The following POU6F2 variants were observed in gnomAD, a reference collection of about 807,000 sequenced individuals.
POU6F2 encodes POU domain, class 6, transcription factor 2.
A neutral mutation model predicts 71.3 loss-of-function variants in POU6F2; 31 were observed. The observed-to-expected ratio is 0.43, with a 90% CI of 0.33 to 0.59. POU6F2 has a LOEUF of 0.59. Among genes scored for constraint, POU6F2 ranks in the 20% least tolerant of loss-of-function variants. POU6F2 has a pLI of 0.04. For synonymous variants in POU6F2, 347 were observed against 355.7 expected, an observed-to-expected ratio of 0.98 and a Z score of 0.27; for missense variants, 783 against 856.8, an observed-to-expected ratio of 0.91 and a Z score of 1.07.
intron 4 of POU6F2, among the ~76,000 whole-genome samples, chr7:39,221,303 C>T (rs1430322413): frequency 6.6e-6 from 1 of 151,548 alleles, no homozygotes; most frequent in Non-Finnish European, 1.5e-5. Flanking sequence ...TTTGTAGGCT[C>T]TCTGCCATAG....
Position 39,464,480 on chromosome 7 carries a change from GC to G in POU6F2, c.1960del (p.His654ThrfsTer13). On this transcript the variant is annotated frameshift_variant, in exon 10 of 10. Transcript: ENST00000518318. LOFTEE classifies it high-confidence loss of function. This position sits in a 1 kb window ranked among gnomAD's most constrained non-coding sequence, Gnocchi z 4.1. ...ACCCCAGGCCCTTGAGATCCTCAAT[GC>G]CCACTTTGAGAAGAACACACACCCT... ...FTPQALEILN[A>X]HFEKNTHPSG... 6.2e-7 allele frequency: 1 copy of G among 1,613,870 alleles called. No homozygotes were observed. The highest frequency in any genetic ancestry group is 8.5e-7 in the Non-Finnish European group (1 of 1,179,832).
At chr7:39,045,524 T>G (rs1324669218) in intron 1 of POU6F2, among the ~76,000 whole-genome samples, 2 of 151,872 alleles carry the variant, frequency 1.3e-5, no homozygotes, top group African/African-American at 4.8e-5. Context: ...ATTCTCACAT[T>G]GGGATGAGGC....
At position 39,406,599 on chromosome 7, in the gene POU6F2, G is replaced by A. The variant is rs766591913; in HGVS notation, c.973-1G>A. The A allele has an allele frequency of 2.5e-6, 4 of 1,612,806 alleles. No individual in the cohort carries two copies. In the South Asian group the frequency reaches 4.4e-5, roughly 18 times the overall value. On this transcript the variant is annotated splice_acceptor_variant, in intron 5 of 9. Transcript: ENST00000518318. LOFTEE classifies it high-confidence loss of function. Reference sequence around the variant, plus strand: ...CACGGTGATCTTTTCTCTCTTTGCAGCTGGTTAATAATCCACTAGCAAGTC... The same window carrying A: ...CACGGTGATCTTTTCTCTCTTTGCAACTGGTTAATAATCCACTAGCAAGTC...
intron 1 of POU6F2, among the ~76,000 whole-genome samples, chr7:39,027,825 A>G (rs372463496): frequency 3.9e-5 from 6 of 152,282 alleles, no homozygotes; most frequent in African/African-American, 1.4e-4. Context: ...ATTGCTTTGT[A>G]CATTCTGGAT....
At chr7:39,374,143 C>T (rs1261511537) in intron 5 of POU6F2, among the ~76,000 whole-genome samples, 7 of 152,126 alleles carry the variant, frequency 4.6e-5, no homozygotes, top group South Asian at 4.1e-4. Flanking sequence ...TTCAACTTTA[C>T]GTCACTGAGA....
chr7:39,095,730 A>G (rs1791442509), intron 2 of POU6F2, among the ~76,000 whole-genome samples: 1 of 152,192 alleles, frequency 6.6e-6, no homozygotes, highest in Non-Finnish European at 1.5e-5. Context: ...GACCAGGAAC[A>G]TCATTAAACT....
chr7:39,051,485 G>C (rs1790399160), intron 1 of POU6F2, among the ~76,000 whole-genome samples: 1 of 152,032 alleles, frequency 6.6e-6, no homozygotes, highest in African/African-American at 2.4e-5. Context: ...GAAAACATCA[G>C]GACACTTGAG....
At chr7:39,239,375 A>G (rs1468680086) in intron 4 of POU6F2, among the ~76,000 whole-genome samples, 2 of 152,144 alleles carry the variant, frequency 1.3e-5, no homozygotes, top group East Asian at 3.9e-4. Flanking sequence ...TAACTGATTT[A>G]GCAGCACGAC....
At chr7:39,133,988 C>T (rs978132392) in intron 2 of POU6F2, among the ~76,000 whole-genome samples, 7 of 152,252 alleles carry the variant, frequency 4.6e-5, no homozygotes, top group African/African-American at 1.7e-4. Flanking sequence ...GATCCTCCCA[C>T]CTCAGCCTCC....
chr7:39,078,733 C>T (rs1264834139), intron 1 of POU6F2, among the ~76,000 whole-genome samples: 7 of 152,184 alleles, frequency 4.6e-5, no homozygotes, highest in Non-Finnish European at 1.0e-4. Flanking sequence ...AAAATCCAGG[C>T]TGCCCCAGAG....
At chr7:39,200,213 G>A (rs1172682735) in intron 2 of POU6F2, among the ~76,000 whole-genome samples, 1 of 152,142 alleles carries the variant, frequency 6.6e-6, no homozygotes, top group Non-Finnish European at 1.5e-5. Context: ...CCTTGCCTGG[G>A]TAACGTCTAA....
At chr7:39,030,370 G>A (rs1789908848) in intron 1 of POU6F2, among the ~76,000 whole-genome samples, 1 of 150,250 alleles carries the variant, frequency 6.7e-6, no homozygotes, top group African/African-American at 2.4e-5. Context: ...TTCCATTTCA[G>A]TTTTTAATAT....
intron 1 of POU6F2, among the ~76,000 whole-genome samples, chr7:39,083,350 C>A (rs1791166250): frequency 6.6e-6 from 1 of 152,146 alleles, no homozygotes; most frequent in Non-Finnish European, 1.5e-5. Context: ...ATAGGTCACA[C>A]CCCTTCCTCT....
chr7:39,177,019 G>T (rs1008536084), intron 2 of POU6F2, among the ~76,000 whole-genome samples: 1 of 152,166 alleles, frequency 6.6e-6, no homozygotes, highest in African/African-American at 2.4e-5. Flanking sequence ...TTCCTTCTAT[G>T]CTATGGCTCA....
intron 4 of POU6F2, among the ~76,000 whole-genome samples, chr7:39,274,709 A>G (rs1317496825): frequency 1.9e-5 from 2 of 102,886 alleles, no homozygotes; most frequent in Non-Finnish European, 3.9e-5. Context: ...ACCATGATCA[A>G]GTGGGCTTCA....
At chr7:39,052,895 G>A (rs570868216) in intron 1 of POU6F2, among the ~76,000 whole-genome samples, 2 of 152,190 alleles carry the variant, frequency 1.3e-5, no homozygotes, top group South Asian at 4.1e-4. Flanking sequence ...TTCAAATCAT[G>A]ATTCTACTTC....
In POU6F2 at chr7:39,406,658, T is replaced by C; in HGVS notation, c.1031T>C (p.Ile344Thr). The change falls in exon 6 of 10, where the codon ATA becomes ACA. Residue 344 changes from isoleucine to threonine, a missense_variant. Physicochemically the swap from Ile to Thr is moderately conservative, Grantham distance 89 (BLOSUM62 -1). This residue lies in a region of POU6F2 where 572 missense variants were observed against 572.9 expected (regional missense o/e 1.00). Transcript: ENST00000518318. ...GCGGCTGCAGCAGCCATGAGCTCCA[T>C]AGCAAGCTCACAGGCCTTTGGCAAT... ...AAAAAAAMSS[I>T]ASSQAFGNAL... The C allele has an allele frequency of 2.5e-6, 4 of 1,613,602 alleles. No homozygotes were observed. Among genetic ancestry groups the C allele is most frequent in the East Asian group, 2.2e-5 (1 of 44,846 alleles).
intron 4 of POU6F2, among the ~76,000 whole-genome samples, chr7:39,230,073 C>A (rs1319860836): frequency 1.3e-5 from 2 of 152,234 alleles, no homozygotes; most frequent in African/African-American, 2.4e-5. Context: ...CAAGTTTGAA[C>A]TTGGGCTGTC....
At chr7:39,009,924 C>T (rs982035286) in intron 1 of POU6F2, among the ~76,000 whole-genome samples, 7 of 151,724 alleles carry the variant, frequency 4.6e-5, no homozygotes, top group African/African-American at 1.7e-4. Context: ...ATTCGGTTTG[C>T]CAGTATTTTA....
Sources: allele counts gnomAD v4.1 joint callset (sites outside exome capture counted in the v4.1 genomes callset), GRCh38; gene constraint gnomAD v4.1.1; regional missense constraint gnomAD v4.1.1; non-coding constraint Gnocchi (gnomAD v3.1); transcripts MANE v1.5; gene names NCBI Gene and HGNC (gene_info 2026-07-23, HGNC 2026-07-21).